WDR27: variants seen among roughly 807,000 people sequenced by gnomAD.
The protein encoded by WDR27 is WD repeat domain 27.
In WDR27, 100 loss-of-function variants were observed where a neutral mutation model predicts 114.4. That is an observed-to-expected ratio of 0.87 (90% CI 0.74 to 1.03). WDR27 has a LOEUF of 1.03. WDR27 is among the 50% of genes least tolerant of loss of function. WDR27 has a pLI of 0.00. For synonymous variants in WDR27, 449 were observed against 423.1 expected (o/e 1.06, Z -0.75); for missense variants, 1,129 against 1,092.9 (o/e 1.03, Z -0.47).
At chr6:169,453,171 C>T (rs150339268), downstream of WDR27, among the ~76,000 whole-genome samples, 1 of 152,240 alleles carries the variant, frequency 6.6e-6, no homozygotes, top group Non-Finnish European at 1.5e-5. Context: ...AACAAAACAT[C>T]TTCCTCCAGA....
Position 169,633,075 on chromosome 6 carries a change from T to C in WDR27, c.2102-7A>G, listed in dbSNP as rs918078580. ...CCAGCTGCGAGTACGATGTCTGCGA[T>C]AATCCAGTTAGGGAGCTCTTCTCAA... On this transcript the variant is annotated splice_region_variant and splice_polypyrimidine_tract_variant and intron_variant, in intron 20 of 25. Transcript: ENST00000448612. 3 of 1,574,966 alleles carry C rather than the reference T, an allele frequency of 1.9e-6. No individual in the cohort carries two copies. Among genetic ancestry groups the C allele is most frequent in the South Asian group, 1.1e-5 (1 of 87,096 alleles).
At chr6:169,580,399 C>A (rs1197040924) in intron 24 of WDR27, among the ~76,000 whole-genome samples, 1 of 152,186 alleles carries the variant, frequency 6.6e-6, no homozygotes, top group Admixed American at 6.5e-5. Flanking sequence ...TGAGACTTGG[C>A]CATTTTTCTT....
intron 25 of WDR27, among the ~76,000 whole-genome samples, chr6:169,483,061 A>G (rs1306223747): frequency 6.6e-6 from 1 of 152,212 alleles, no homozygotes; most frequent in African/African-American, 2.4e-5. Context: ...TTATAGCACT[A>G]AACACCCACA....
At chr6:169,651,863 T>C in intron 14 of WDR27, 67 bp downstream of exon 14, 2 of 1,398,280 alleles carry the variant, frequency 1.4e-6, no homozygotes, top group Non-Finnish European at 2.0e-6. Context: ...GTGTCCCTAT[T>C]TGTGTTAAAA....
chr6:169,471,989 G>T (rs1438622614), intron 25 of WDR27, among the ~76,000 whole-genome samples: 1 of 152,096 alleles, frequency 6.6e-6, no homozygotes, highest in Non-Finnish European at 1.5e-5. Context: ...CATGAGGGTG[G>T]AGCCCTCATG....
In WDR27 at chr6:169,613,410, G is replaced by T. The variant is rs1242756029; in HGVS notation, c.2321+149C>A. On this transcript the variant is annotated intron_variant, in intron 22 of 25. Transcript: ENST00000448612. ...CTAGTGCTTCACCCTTCCAAAGTTA[G>T]AGCTAACTTTTCTGTGCATAAATCA... 1.2e-4 allele frequency: 72 copies of T among 595,346 alleles called. No individual in the cohort carries two copies. The East Asian group carries it at 2.0e-3, about 16-fold the overall frequency. 36.9% of individuals were successfully genotyped at this position (595,346 alleles called of 1,614,324 possible).
chr6:169,542,594 G>A (rs999126755), intron 25 of WDR27, among the ~76,000 whole-genome samples: 16 of 152,060 alleles, frequency 1.1e-4, no homozygotes, highest in African/African-American at 3.9e-4. Context: ...TGTTAAAATT[G>A]GAAGTGAACT....
intron 25 of WDR27, among the ~76,000 whole-genome samples, chr6:169,483,824 C>T (rs1788519579): frequency 6.6e-6 from 1 of 151,850 alleles, no homozygotes; most frequent in Non-Finnish European, 1.5e-5. Context: ...AAAGCTAATC[C>T]ACCACAATCT....
At chr6:169,671,477 C>T (rs1778737461) in intron 3 of WDR27, 1 of 152,222 alleles carries the variant, frequency 6.6e-6, no homozygotes, top group African/African-American at 2.4e-5. Flanking sequence ...TTTATAGTCT[C>T]TTTGCATTTA....
At chr6:169,480,373 C>T (rs1787822266) in intron 25 of WDR27, among the ~76,000 whole-genome samples, 2 of 152,342 alleles carry the variant, frequency 1.3e-5, no homozygotes, top group South Asian at 2.1e-4. Context: ...CGGGCACCAC[C>T]CCCTGCTCTG....
intron 25 of WDR27, among the ~76,000 whole-genome samples, chr6:169,571,620 G>A (rs538424660): frequency 6.6e-6 from 1 of 152,328 alleles, no homozygotes; most frequent in South Asian, 2.1e-4. Flanking sequence ...TTGAGCCCAG[G>A]AGTTCAAGGC....
the WDR27 span, among the ~76,000 whole-genome samples, chr6:169,427,597 T>C: frequency 2.0e-5 from 3 of 152,092 alleles, no homozygotes; most frequent in East Asian, 3.9e-4. Context: ...TTCCCAGTAA[T>C]GTCTGCTGTG....
chr6:169,621,156 A>G (rs1220654211), intron 21 of WDR27, among the ~76,000 whole-genome samples: 4 of 152,222 alleles, frequency 2.6e-5, no homozygotes, highest in Admixed American at 2.6e-4. Context: ...AAGCACATAT[A>G]CATATGCATA....
chr6:169,569,177 G>A (rs998704413), intron 25 of WDR27, among the ~76,000 whole-genome samples: 43 of 151,930 alleles, frequency 2.8e-4, no homozygotes, highest in African/African-American at 9.7e-4. Context: ...GCACCAAGAT[G>A]GTTTTGTACA....
chr6:169,663,558 C>G (rs4449637), intron 8 of WDR27: 3 of 152,514 alleles, frequency 2.0e-5, no homozygotes, highest in Admixed American at 6.5e-5. Context: ...AGATAAAAAG[C>G]GCACCTGAGG....
At chr6:169,494,902 T>G (rs1355076818) in intron 25 of WDR27, among the ~76,000 whole-genome samples, 1 of 152,196 alleles carries the variant, frequency 6.6e-6, no homozygotes, top group Non-Finnish European at 1.5e-5. Flanking sequence ...GTCAACACTG[T>G]TTTTCAGGCA....
intron 1 of WDR27, among the ~76,000 whole-genome samples, chr6:169,691,469 G>C (rs1007306911): frequency 1.3e-5 from 2 of 152,128 alleles, no homozygotes; most frequent in African/African-American, 4.8e-5. Context: ...GGCAGTAGGT[G>C]CTGGGCAGAT....
At chr6:169,497,093 T>C (rs768417404) in intron 25 of WDR27, among the ~76,000 whole-genome samples, 22 of 152,090 alleles carry the variant, frequency 1.4e-4, no homozygotes, top group Non-Finnish European at 2.9e-4. Flanking sequence ...GACAGACATA[T>C]AGACCAATAG....
chr6:169,463,855 CAATGA>C lies in WDR27; in HGVS notation c.2646-6226_2646-6222del, dbSNP rs557588445. Among the ~76,000 whole-genome samples, 656 of 152,176 alleles carry C rather than the reference CAATGA, an allele frequency of 4.3e-3. 5 individuals are homozygous for C. The highest frequency in any genetic ancestry group is 0.015 in the African/African-American group (634 of 41,520). On this transcript the variant is annotated intron_variant, in intron 25 of 25. Coordinates refer to ENST00000448612, the MANE Select transcript of WDR27 (RefSeq NM_182552.5). ...ACCAAGGTGATGAAATTAAATTGTACAATGAAAACTACAAAACATTGCTGAAGGAA... is the reference window on the plus strand; with the variant it reads ...ACCAAGGTGATGAAATTAAATTGTACAAACTACAAAACATTGCTGAAGGAA...
Sources: gnomAD v4.1 joint callset for allele counts (sites outside exome capture counted in the v4.1 genomes callset) on GRCh38, gnomAD v4.1.1 for gene constraint, MANE v1.5 for transcripts, NCBI Gene and HGNC (gene_info 2026-07-23, HGNC 2026-07-21) for gene names.